Variants in TOM1 observed in about 807,000 individuals in gnomAD.
TOM1 encodes target of Myb protein 1.
Under a neutral mutation model 61.3 loss-of-function variants are expected in TOM1, and 38 were observed. The observed-to-expected ratio is 0.62, with a 90% CI of 0.48 to 0.81. The LOEUF is 0.81. TOM1 is among the 40% of genes least tolerant of loss of function. The probability of loss-of-function intolerance (pLI) is 0.00; values close to 1 mark genes in which losing one functional copy is unlikely to be tolerated. For synonymous variants in TOM1, 270 were observed against 268.8 expected (o/e 1.00, Z -0.04); for missense variants, 591 against 659.6 (o/e 0.90, Z 1.14).
chr22:35,327,440 C>T, intron 7 of TOM1, 53 bp downstream of exon 7: 1 of 1,252,070 alleles, frequency 8.0e-7, no homozygotes, highest in Non-Finnish European at 1.2e-6. Flanking sequence ...CCCAGCTGCC[C>T]ACATGCATTC....
upstream of TOM1, chr22:35,299,326 T>G (rs1461221548): frequency 6.6e-6 from 1 of 152,318 alleles, no homozygotes. Context: ...TTCATTAAAT[T>G]GCCTCTCAGT....
chr22:35,338,642 C>G, intron 11 of TOM1, 71 bp from the exon 12 acceptor site: 1 of 1,332,724 alleles, frequency 7.5e-7, no homozygotes, highest in Non-Finnish European at 1.0e-6. Flanking sequence ...TCTGTGCCCC[C>G]CAGCCCGCTC....
intron 12 of TOM1, among the ~76,000 whole-genome samples, chr22:35,342,330 T>G (rs1032891013): frequency 1.3e-5 from 2 of 151,914 alleles, no homozygotes; most frequent in African/African-American, 4.8e-5. Flanking sequence ...CTGGTCTGAG[T>G]AGGGTGAACC....
Position 35,323,944 on chromosome 22 carries a change from G to A in TOM1, c.648+30G>A. 6.6e-7 allele frequency: 1 copy of A among 1,520,346 alleles called. No homozygotes were observed. Among genetic ancestry groups the A allele is most frequent in the Non-Finnish European group, 8.8e-7 (1 of 1,132,760 alleles). The allele number at this position is 1,520,346 out of a possible 1,614,324, so 94.2% of individuals were successfully genotyped here. On this transcript the variant is annotated intron_variant, in intron 6 of 14. Transcript: ENST00000449058. The surrounding 1 kb of genome is among the most constrained non-coding windows in gnomAD (Gnocchi z 4.2). Reference sequence around the variant, plus strand: ...ACGAGCCTGGGGTCAGAACCGTCAGGTCCAGGCAGGTGGGCCACACACGTC... The same window carrying A: ...ACGAGCCTGGGGTCAGAACCGTCAGATCCAGGCAGGTGGGCCACACACGTC...
chr22:35,325,910 T>C (rs925231862), intron 6 of TOM1, among the ~76,000 whole-genome samples: 1 of 152,208 alleles, frequency 6.6e-6, no homozygotes, highest in African/African-American at 2.4e-5. Context: ...CCCATCTGAT[T>C]TGGATACATG....
At chr22:35,318,216 G>A in intron 2 of TOM1, 2 of 558,920 alleles carry the variant, frequency 3.6e-6, no homozygotes, top group Non-Finnish European at 6.4e-6. Context: ...ATTCCACACG[G>A]ATCTGGAAGC....
rs747180894 is a variant in TOM1 at position 35,323,116 on chromosome 22, C to T, written c.305C>T (p.Thr102Ile). 1 of 1,614,154 alleles carries T rather than the reference C, an allele frequency of 6.2e-7. No homozygotes were observed. Among genetic ancestry groups the T allele is most frequent in the South Asian group, 1.1e-5 (1 of 91,082 alleles). Reference protein sequence around the residue: ...QDFVESVLVRTILPKNNPPTI... With the variant: ...QDFVESVLVRIILPKNNPPTI... ...TTCGTGGAGAGTGTGCTGGTGAGGA[C>T]CATCCTGCCCAAGAACAACCCACCC... Residue 102 changes from threonine to isoleucine, a missense_variant, in exon 4 of 15, where the codon ACC (threonine) becomes ATC (isoleucine). Transcript: ENST00000449058. This position sits in a 1 kb window ranked among gnomAD's most constrained non-coding sequence, Gnocchi z 4.2.
chr22:35,345,948 G>A (rs1049158290), intron 13 of TOM1, among the ~76,000 whole-genome samples, 164 bp downstream of exon 13: 10 of 152,178 alleles, frequency 6.6e-5, no homozygotes, highest in African/African-American at 2.2e-4. Context: ...CTTGTGTTTG[G>A]CACGCCCCCC....
rs941923104 is a variant in TOM1, at chr22:35,322,114, T to G, written c.216+77T>G. On this transcript the variant is annotated intron_variant, in intron 3 of 14. Coordinates refer to ENST00000449058, the MANE Select transcript of TOM1 (RefSeq NM_005488.3). The stretch of plus-strand genomic sequence containing the variant: ...CACCTCCCCTCAGACCCAGCAGGAC[T>G]CCCAGCCTCCTCTGAGCTCCTCATT... 5 of 1,323,374 alleles carry G rather than the reference T, an allele frequency of 3.8e-6. No homozygotes were observed. In the African/African-American group the frequency reaches 5.8e-5, roughly 15 times the overall value. 82.0% of individuals were successfully genotyped at this position (1,323,374 alleles called of 1,614,324 possible). A position where few individuals can be genotyped will look rare whatever the true frequency, so the allele number is the denominator to read the frequency against.
intron 12 of TOM1, among the ~76,000 whole-genome samples, chr22:35,343,752 C>CCACATGCATCTACACCTACACACACAA (rs1930227326): frequency 1.4e-5 from 2 of 148,106 alleles, no homozygotes; most frequent in Admixed American, 6.7e-5. Context: ...TACACACACA[C>CCACATGCATCTACACCTACACACACAA]CCCTACACCT....
At chr22:35,329,393 G>A (rs1211385347) in intron 7 of TOM1, among the ~76,000 whole-genome samples, 2 of 152,318 alleles carry the variant, frequency 1.3e-5, no homozygotes, top group Non-Finnish European at 2.9e-5. Context: ...AATAAAGTCC[G>A]CAGTTTAGTT....
chr22:35,309,607 G>A (rs1011758578), intron 1 of TOM1, among the ~76,000 whole-genome samples: 5 of 144,994 alleles, frequency 3.4e-5, no homozygotes, highest in Non-Finnish European at 6.0e-5. Context: ...TCGTGCCACA[G>A]CACTCCAGCC....
rs200895178 is a variant in TOM1 at position 35,345,782 on chromosome 22, G to A, written c.1282G>A (p.Val428Met). ...EDIEQWLSTDVGNDAEEPKGV... is the reference protein window; with the variant it reads ...EDIEQWLSTDMGNDAEEPKGV... ...CATCGAGCAGTGGCTGTCCACTGAC[G>A]TGGTATGTTGGGGCCCACTCCTCAC... The change falls in exon 13 of 15, where the codon GTG becomes ATG. Residue 428 changes from valine (V) to methionine (M), a missense_variant and splice_region_variant. Coordinates refer to ENST00000449058, the MANE Select transcript of TOM1 (RefSeq NM_005488.3). 6.8e-5 allele frequency: 109 copies of A among 1,613,872 alleles called. No individual in the cohort carries two copies. In the East Asian group the frequency reaches 1.4e-3, roughly 21 times the overall value.
At chr22:35,337,954 G>A (rs984075196) in intron 11 of TOM1, among the ~76,000 whole-genome samples, 7 of 152,188 alleles carry the variant, frequency 4.6e-5, no homozygotes, top group South Asian at 2.1e-4. Context: ...CACCATAGCC[G>A]CCTCTCCTCC....
intron 2 of TOM1, among the ~76,000 whole-genome samples, chr22:35,321,521 C>G (rs1158121401): frequency 6.6e-6 from 1 of 152,078 alleles, no homozygotes; most frequent in African/African-American, 2.4e-5. Context: ...GCCTCAACCT[C>G]CCAAGTAGCT....
At chr22:35,332,889 G>A (rs1316930144) in intron 8 of TOM1, 92 bp from the exon 9 acceptor site, 10 of 1,310,750 alleles carry the variant, frequency 7.6e-6, no homozygotes, top group African/African-American at 2.9e-5. Context: ...CCGTGTTGAT[G>A]TTGAGACCCA....
chr22:35,335,757 C>A (rs1569036131), intron 11 of TOM1: 1 of 154,890 alleles, frequency 6.5e-6, no homozygotes, highest in Non-Finnish European at 1.5e-5. Flanking sequence ...TGCACCAGGA[C>A]CACCGCTGTG....
At chr22:35,334,549 ACCCTGCTTAGTAAGCACG>A in intron 11 of TOM1, 101 bp downstream of exon 11, 2 of 1,447,338 alleles carry the variant, frequency 1.4e-6, no homozygotes, top group South Asian at 2.3e-5. Flanking sequence ...GGGCACACGG[ACCCTGCTTAGTAAGCACG>A]CCCTTAGTAT....
At chr22:35,321,433 C>T (rs1312286237) in intron 2 of TOM1, among the ~76,000 whole-genome samples, 1 of 151,834 alleles carries the variant, frequency 6.6e-6, no homozygotes, top group African/African-American at 2.4e-5. Context: ...GGCTCTCACT[C>T]TGTTGCCCAG....
Sources: allele counts gnomAD v4.1 joint callset (sites outside exome capture counted in the v4.1 genomes callset), GRCh38; gene constraint gnomAD v4.1.1; non-coding constraint Gnocchi (gnomAD v3.1); transcripts MANE v1.5; gene names NCBI Gene and HGNC (gene_info 2026-07-23, HGNC 2026-07-21).